Variants in C1QTNF5 observed in about 807,000 individuals in gnomAD.
C1QTNF5 encodes the protein complement C1q tumor necrosis factor-related protein 5.
Under a neutral mutation model 10.9 loss-of-function variants are expected in C1QTNF5, and 5 were observed. The observed-to-expected ratio is 0.46, with a 90% confidence interval of 0.24 to 0.97. C1QTNF5 has a LOEUF of 0.97. C1QTNF5 is among the 50% of genes least tolerant of loss of function. C1QTNF5 has a pLI of 0.19. For missense variants in C1QTNF5, 281 were observed against 339.4 expected (o/e 0.83, Z 1.35); for synonymous variants, 161 against 156.5 (o/e 1.03, Z -0.22).
chr11:119,346,610 C>A, the C1QTNF5 span: 2 of 1,242,112 alleles, frequency 1.6e-6, no homozygotes, highest in Admixed American at 1.8e-5. Flanking sequence ...AGAGGGGCAG[C>A]CTCTACTACC....
chr11:119,339,685 GT>G lies in C1QTNF5; in HGVS notation c.377del (p.Asp126AlafsTer5), dbSNP rs1478662877. On this transcript the variant is annotated frameshift_variant, in exon 3 of 3. Coordinates refer to ENST00000528368, the MANE Select transcript of C1QTNF5 (RefSeq NM_001278431.2). LOFTEE classifies it low-confidence loss of function (END_TRUNC). The surrounding 1 kb of genome is among the most constrained non-coding windows in gnomAD (Gnocchi z 5.4). Reference protein sequence around the residue: ...PPPSDAPLPFDRVLVNEQGHY... With the variant: ...PPPSDAPLPFXRVLVNEQGHY... ...GTCCCTGCTCGTTCACCAGCACGCGGTCGAAGGGCAAGGGTGCGTCAGACGG... is the reference window on the plus strand; with the variant it reads ...GTCCCTGCTCGTTCACCAGCACGCGGCGAAGGGCAAGGGTGCGTCAGACGG... 6.2e-7 allele frequency: 1 copy of G among 1,609,860 alleles called. No homozygotes were observed. The highest frequency in any genetic ancestry group is 8.5e-7 in the Non-Finnish European group (1 of 1,179,886).
chr11:119,345,094 C>A, upstream of C1QTNF5: 1 of 1,512,720 alleles, frequency 6.6e-7, no homozygotes, highest in Non-Finnish European at 9.0e-7. Context: ...CCTATTTTCT[C>A]AACCCCCAAA....
chr11:119,344,097 ACCT>A, upstream of C1QTNF5: 1 of 1,216,270 alleles, frequency 8.2e-7, no homozygotes, highest in South Asian at 1.3e-5. Context: ...GTTCTTAAGG[ACCT>A]TTAATTTACC....
chr11:119,343,975 G>A (rs779634877), upstream of C1QTNF5: 3 of 1,611,472 alleles, frequency 1.9e-6, no homozygotes, highest in Admixed American at 1.7e-5. Flanking sequence ...CTGGGGGAGG[G>A]CATAGGTGGA....
upstream of C1QTNF5, chr11:119,344,590 G>C (rs908688579): frequency 6.2e-7 from 1 of 1,613,522 alleles, no homozygotes; most frequent in Non-Finnish European, 8.5e-7. Context: ...CTTGAACCCA[G>C]ATCAGACGCC....
upstream of C1QTNF5, chr11:119,343,150 C>A: frequency 1.0e-6 from 1 of 985,610 alleles, no homozygotes; most frequent in Non-Finnish European, 1.5e-6. Context: ...GCGAGAAAGA[C>A]ACATATATTC....
chr11:119,345,851 G>GGGT (rs1565295963), upstream of C1QTNF5: 17 of 1,613,778 alleles, frequency 1.1e-5, no homozygotes, highest in Non-Finnish European at 1.3e-5. Flanking sequence ...GTGATGGTGG[G>GGGT]GGTGGTGGTG....
chr11:119,340,585 GGCAGGCGC>G, intron 1 of C1QTNF5, 102 bp downstream of exon 1: 1 of 618,482 alleles, frequency 1.6e-6, no homozygotes, highest in Non-Finnish European at 2.7e-6. Context: ...GGAGAGCACA[GGCAGGCGC>G]GAGAGGGTGG....
chr11:119,344,203 T>C, upstream of C1QTNF5: 1 of 1,130,686 alleles, frequency 8.8e-7, no homozygotes, highest in Non-Finnish European at 1.3e-6. Flanking sequence ...GCTTGATCTC[T>C]GACCTTCCCA....
rs2135365364 is a variant in C1QTNF5 at position 119,340,226 on chromosome 11, C to T, written c.172G>A (p.Ala58Thr). Reference protein sequence around the residue: ...GRDGRDGRDGAPGAPGEKGEG... With the variant: ...GRDGRDGRDGTPGAPGEKGEG... ...CCTTTCTCTCCCGGAGCCCCGGGCG[C>T]GCCGTCGCGGCCGTCGCGGCCATCG... is the stretch of plus-strand genomic sequence containing the variant. Residue 58 changes from alanine (A) to threonine (T), a missense_variant, in exon 2 of 3, where the codon GCG becomes ACG. Transcript: ENST00000528368. 2 of 1,513,612 alleles carry T rather than the reference C, an allele frequency of 1.3e-6. No individual in the cohort carries two copies. The highest frequency in any genetic ancestry group is 1.5e-5 in the African/African-American group (1 of 68,844). The allele number at this position is 1,513,612 out of a possible 1,614,324, so 93.8% of individuals were successfully genotyped here. A position where few individuals can be genotyped will look rare whatever the true frequency, so the allele number is the denominator to read the frequency against.
the C1QTNF5 span, chr11:119,346,450 T>C: frequency 1.9e-6 from 3 of 1,614,128 alleles, no homozygotes; most frequent in South Asian, 1.1e-5. Context: ...CGATTCTATG[T>C]GGTCCTTACC....
At position 119,339,565 on chromosome 11, in the gene C1QTNF5, A is replaced by G. The variant is rs778087130; in HGVS notation, c.498T>C (p.Phe166=). 4.3e-6 allele frequency: 7 copies of G among 1,613,350 alleles called. No individual in the cohort carries two copies. The African/African-American group carries it at 9.3e-5, about 22-fold the overall frequency. ...HATVYRASLQ[F]DLVKNGESIA... is the part of the protein sequence containing the mutation. The stretch of plus-strand genomic sequence containing the variant: ...TGGATTCGCCATTCTTCACCAGATC[A>G]AACTGCAGGCTGGCCCGGTAGACGG... Residue 166 remains phenylalanine, a synonymous_variant, in exon 3 of 3, where the codon TTT becomes TTC. Coordinates refer to ENST00000528368, the MANE Select transcript of C1QTNF5 (RefSeq NM_001278431.2). This position sits in a 1 kb window ranked among gnomAD's most constrained non-coding sequence, Gnocchi z 5.4.
chr11:119,343,143 A>G, upstream of C1QTNF5: 1 of 1,039,236 alleles, frequency 9.6e-7, no homozygotes, highest in East Asian at 2.6e-5. Context: ...GGGTCTGGCG[A>G]GAAAGACACA....
chr11:119,345,412 G>A (rs1187232121), upstream of C1QTNF5: 9 of 1,613,340 alleles, frequency 5.6e-6, no homozygotes, highest in Admixed American at 3.3e-5. Context: ...GGGGACAGAG[G>A]GACCTACCTG....
At chr11:119,346,687 G>A in the C1QTNF5 span, 15 of 685,856 alleles carry the variant, frequency 2.2e-5, 1 homozygote, top group East Asian at 4.1e-4. Context: ...TTGGCCTATG[G>A]GCTACTCTGT....
chr11:119,339,827 T>C lies in C1QTNF5; in HGVS notation c.236A>G (p.Asp79Gly), dbSNP rs746399664. The change falls in exon 3 of 3, where the codon GAC becomes GGC. Residue 79 changes from aspartate (D) to glycine (G), a missense_variant. Physicochemically the swap from Asp to Gly is moderately conservative, Grantham distance 94 (BLOSUM62 -1). Coordinates refer to ENST00000528368, the MANE Select transcript of C1QTNF5 (RefSeq NM_001278431.2). This position sits in a 1 kb window ranked among gnomAD's most constrained non-coding sequence, Gnocchi z 5.4. Reference sequence around the variant, plus strand: ...TCCCGCCTCTCCTCGCGGCCCGGGGTCCCCTCGAGGTCCCGGCAGTCCTGC... The same window carrying C: ...TCCCGCCTCTCCTCGCGGCCCGGGGCCCCCTCGAGGTCCCGGCAGTCCTGC... ...GRPGLPGPRG[D>G]PGPRGEAGPA... 5 of 1,509,694 alleles carry C rather than the reference T, an allele frequency of 3.3e-6. No homozygotes were observed. Among genetic ancestry groups the C allele is most frequent in the South Asian group, 2.5e-5 (2 of 79,700 alleles). The allele number at this position is 1,509,694 out of a possible 1,614,324, so 93.5% of individuals were successfully genotyped here.
At position 119,339,776 on chromosome 11, in the gene C1QTNF5, C is replaced by A; in HGVS notation, c.287G>T (p.Gly96Val). 1 of 1,542,482 alleles carries A rather than the reference C, an allele frequency of 6.5e-7. No individual in the cohort carries two copies. Among genetic ancestry groups the A allele is most frequent in the South Asian group, 1.2e-5 (1 of 84,064 alleles). Residue 96 changes from glycine to valine, a missense_variant, in exon 3 of 3, where the codon GGG (glycine) becomes GTG (valine). Coordinates refer to ENST00000528368, the MANE Select transcript of C1QTNF5 (RefSeq NM_001278431.2). The surrounding 1 kb of genome is among the most constrained non-coding windows in gnomAD (Gnocchi z 5.4). ...AGPAGPTGPAGECSVPPRSAF... is the reference protein window; with the variant it reads ...AGPAGPTGPAVECSVPPRSAF... Reference sequence around the variant, plus strand: ...GGATCGCGGAGGCACCGAGCACTCCCCGGCAGGCCCGGTGGGCCCCGCGGG... The same window carrying A: ...GGATCGCGGAGGCACCGAGCACTCCACGGCAGGCCCGGTGGGCCCCGCGGG...
chr11:119,346,038 G>C, the C1QTNF5 span: 2 of 1,611,652 alleles, frequency 1.2e-6, no homozygotes, highest in Non-Finnish European at 1.7e-6. Context: ...CTGTCCCCGG[G>C]TACTTACGGG....
At position 119,339,851 on chromosome 11, in the gene C1QTNF5, G is replaced by A. The variant is rs1246824857; in HGVS notation, c.215-3C>T. The A allele has an allele frequency of 4.1e-6, 6 of 1,467,620 alleles. No individual in the cohort carries two copies. The African/African-American group carries it at 5.7e-5, about 14-fold the overall frequency. The allele number at this position is 1,467,620 out of a possible 1,614,324, so 90.9% of individuals were successfully genotyped here. A position where few individuals can be genotyped will look rare whatever the true frequency, so the allele number is the denominator to read the frequency against. Reference sequence around the variant, plus strand: ...GTCCCCTCGAGGTCCCGGCAGTCCTGCGGGGTAAGCGGGGCGGCAGGGTGA... The same window carrying A: ...GTCCCCTCGAGGTCCCGGCAGTCCTACGGGGTAAGCGGGGCGGCAGGGTGA... On this transcript the variant is annotated splice_region_variant and splice_polypyrimidine_tract_variant and intron_variant, in intron 2 of 2. Transcript: ENST00000528368. This position sits in a 1 kb window ranked among gnomAD's most constrained non-coding sequence, Gnocchi z 5.4.
Sources: allele counts gnomAD v4.1 joint callset, GRCh38; gene constraint gnomAD v4.1.1; non-coding constraint Gnocchi (gnomAD v3.1); transcripts MANE v1.5; gene names NCBI Gene and HGNC (gene_info 2026-07-23, HGNC 2026-07-21).